The following WNT7A variants were observed in gnomAD, a reference collection of about 807,000 sequenced individuals.
WNT7A encodes Wnt family member 7A, also known as protein Wnt-7a.
Under a neutral mutation model 28.2 loss-of-function variants are expected in WNT7A, and 16 were observed. The ratio of observed to expected loss-of-function variants is 0.57; its 90% CI spans 0.38 to 0.86. WNT7A has a LOEUF of 0.86. Ranked by LOEUF, WNT7A falls within the 40% of genes least tolerant of loss-of-function variation. The pLI is 0.00. For synonymous variants in WNT7A, 190 were observed against 195.9 expected (o/e 0.97, Z 0.25); for missense variants, 411 against 489.7 (o/e 0.84, Z 1.52).
chr3:13,844,508 C>A (rs1239833501), intron 3 of WNT7A, among the ~76,000 whole-genome samples: 2 of 152,186 alleles, frequency 1.3e-5, no homozygotes, highest in Non-Finnish European at 2.9e-5. Context: ...GGATGCTGCT[C>A]ACGTTCACTG....
intron 2 of WNT7A, among the ~76,000 whole-genome samples, chr3:13,874,436 C>A (rs759017374): frequency 6.6e-6 from 1 of 152,118 alleles, no homozygotes; most frequent in Non-Finnish European, 1.5e-5. Context: ...AGGAGTCAAG[C>A]GGATCATGTC....
At chr3:13,820,492 C>T (rs903130303) in intron 3 of WNT7A, among the ~76,000 whole-genome samples, 1 of 151,894 alleles carries the variant, frequency 6.6e-6, no homozygotes, top group African/African-American at 2.4e-5. Context: ...AGCTGAGGGG[C>T]GAACTGAGTG....
chr3:13,868,717 AAAGAAAG>A, intron 2 of WNT7A, among the ~76,000 whole-genome samples: 1 of 124,118 alleles, frequency 8.1e-6, no homozygotes, highest in Admixed American at 8.2e-5. Flanking sequence ...AGAAAGAAAG[AAAGAAAG>A]AAAGAAAGAA....
chr3:13,837,565 A>T (rs1261387432), intron 3 of WNT7A, among the ~76,000 whole-genome samples: 2 of 152,042 alleles, frequency 1.3e-5, no homozygotes, highest in Non-Finnish European at 2.9e-5. Context: ...TGAATGAATG[A>T]ATGAATTCAC....
At chr3:13,874,160 CT>C (rs1030011411) in intron 2 of WNT7A, among the ~76,000 whole-genome samples, 44 of 152,276 alleles carry the variant, frequency 2.9e-4, no homozygotes, top group African/African-American at 1.0e-3. Flanking sequence ...GCTGACCTGG[CT>C]TTCAGGGAAG....
At chr3:13,869,066 G>A (rs1409076245) in intron 2 of WNT7A, among the ~76,000 whole-genome samples, 1 of 147,202 alleles carries the variant, frequency 6.8e-6, no homozygotes, top group Non-Finnish European at 1.5e-5. Flanking sequence ...GAGAGAGAAA[G>A]CAAGTGAGAG....
Position 13,817,341 on chromosome 3 carries a change from G to A in WNT7A, c.*1603C>T, listed in dbSNP as rs1173463424. 1 of 151,770 alleles carries A rather than the reference G, an allele frequency of 6.6e-6. No individual in the cohort carries two copies. Among genetic ancestry groups the A allele is most frequent in the Non-Finnish European group, 1.5e-5 (1 of 68,076 alleles). The allele number at this position is 151,770 out of a possible 1,614,324, so 9.4% of individuals were successfully genotyped here. ...CGCTTGGGTAGCACGGAAACACACA[G>A]ACACATACACACACGAGTACGGCGG... On this transcript the variant is annotated 3_prime_UTR_variant, in exon 4 of 4. Coordinates refer to ENST00000285018, the MANE Select transcript of WNT7A (RefSeq NM_004625.4).
chr3:13,855,331 G>T (rs1248660251), intron 2 of WNT7A, among the ~76,000 whole-genome samples: 1 of 151,350 alleles, frequency 6.6e-6, no homozygotes, highest in Non-Finnish European at 1.5e-5. Flanking sequence ...GCTGTAAAAT[G>T]GGGACATATC....
intron 2 of WNT7A, among the ~76,000 whole-genome samples, chr3:13,868,506 A>AAGAAAGAG (rs1559306808): frequency 3.2e-4 from 46 of 143,852 alleles, no homozygotes; most frequent in Non-Finnish European, 6.8e-4. Context: ...GAAAGAAAGA[A>AAGAAAGAG]AGAGAGAGAG....
chr3:13,856,032 G>A (rs1277595515), intron 2 of WNT7A, among the ~76,000 whole-genome samples: 1 of 152,144 alleles, frequency 6.6e-6, no homozygotes, highest in Non-Finnish European at 1.5e-5. Flanking sequence ...CCCAGGAGGG[G>A]GAGACAGACA....
intron 3 of WNT7A, among the ~76,000 whole-genome samples, chr3:13,836,262 C>A (rs1226965595): frequency 6.6e-6 from 1 of 151,418 alleles, no homozygotes; most frequent in African/African-American, 2.4e-5. Flanking sequence ...GGAACTTGGG[C>A]CATGGAGCAC....
intron 3 of WNT7A, among the ~76,000 whole-genome samples, chr3:13,833,175 C>T (rs1435142510): frequency 3.3e-5 from 5 of 152,132 alleles, no homozygotes; most frequent in South Asian, 2.1e-4. Context: ...CCCCCACAGG[C>T]TCACACCCTC....
intron 3 of WNT7A, among the ~76,000 whole-genome samples, chr3:13,826,778 T>C (rs1694203144): frequency 6.6e-6 from 1 of 152,060 alleles, no homozygotes. Flanking sequence ...GATTGCAAAA[T>C]CACAGTATGG....
At position 13,854,615 on chromosome 3, in the gene WNT7A, C is replaced by G; in HGVS notation, c.487G>C (p.Ala163Pro). The G allele has an allele frequency of 6.2e-7, 1 of 1,614,184 alleles. No homozygotes were observed. Among genetic ancestry groups the G allele is most frequent in the Non-Finnish European group, 8.5e-7 (1 of 1,180,042 alleles). The change falls in exon 3 of 4, where the codon GCC (alanine) becomes CCC (proline). Residue 163 changes from alanine (A) to proline (P), a missense_variant. Coordinates refer to ENST00000285018, the MANE Select transcript of WNT7A (RefSeq NM_004625.4). ...TCCCGGGCATCCACAAAGACCTTGG[C>G]GAAGCCGATGCCGTAGCGGATGTCG... ...SADIRYGIGF[A>P]KVFVDAREIK...
intron 3 of WNT7A, among the ~76,000 whole-genome samples, chr3:13,832,828 G>A (rs1172009283): frequency 6.6e-6 from 1 of 152,112 alleles, no homozygotes; most frequent in Non-Finnish European, 1.5e-5. Flanking sequence ...TACAGGAAGA[G>A]AGGTTTCCAC....
intron 3 of WNT7A, among the ~76,000 whole-genome samples, chr3:13,844,432 C>T (rs1042784782): frequency 1.3e-5 from 2 of 152,212 alleles, no homozygotes; most frequent in East Asian, 3.9e-4. Context: ...GGGAATCTGT[C>T]CCTTCCCCAC....
chr3:13,821,123 T>C (rs908455404), intron 3 of WNT7A, among the ~76,000 whole-genome samples: 1 of 152,322 alleles, frequency 6.6e-6, no homozygotes, highest in African/African-American at 2.4e-5. Context: ...TGCCTTGGCT[T>C]AAGAAGCAGG....
At chr3:13,861,612 G>T (rs943635199) in intron 2 of WNT7A, among the ~76,000 whole-genome samples, 2 of 152,192 alleles carry the variant, frequency 1.3e-5, no homozygotes, top group African/African-American at 2.4e-5. Flanking sequence ...GGCAAAGAAG[G>T]CATCAGGCCA....
chr3:13,852,193 G>T (rs1293323751), intron 3 of WNT7A, among the ~76,000 whole-genome samples: 1 of 152,214 alleles, frequency 6.6e-6, no homozygotes, highest in African/African-American at 2.4e-5. Context: ...GAAGCCACAT[G>T]GTGCACCCCC....
Sources: allele counts gnomAD v4.1 joint callset (sites outside exome capture counted in the v4.1 genomes callset), GRCh38; gene constraint gnomAD v4.1.1; transcripts MANE v1.5; gene names NCBI Gene and HGNC (gene_info 2026-07-23, HGNC 2026-07-21).